The following RGPD3 variants were observed in gnomAD, a reference collection of about 807,000 sequenced individuals.
The protein encoded by RGPD3 is RANBP2 like and GRIP domain containing 3, also known as ranBP2-like and GRIP domain-containing protein 3.
Under a neutral mutation model 154.5 loss-of-function variants are expected in RGPD3, and 62 were observed. The ratio of observed to expected loss-of-function variants is 0.40; its 90% CI spans 0.33 to 0.50. The LOEUF is 0.50. Among genes scored for constraint, RGPD3 ranks in the 20% least tolerant of loss-of-function variants. RGPD3 has a pLI of 0.59. For synonymous variants in RGPD3, 308 were observed against 607.0 expected (o/e 0.51, Z 7.24); for missense variants, 919 against 1,716.8 (o/e 0.54, Z 8.21).
chr2:106,425,406 C>T (rs994562753), intron 19 of RGPD3, 140 bp from the exon 20 acceptor site: 55 of 1,222,704 alleles, frequency 4.5e-5, no homozygotes, highest in South Asian at 1.4e-4. Context: ...ATTTATTGAG[C>T]ATTTATTAAT....
chr2:106,466,082 C>T (rs909376624), intron 1 of RGPD3, among the ~76,000 whole-genome samples: 1 of 151,736 alleles, frequency 6.6e-6, no homozygotes, highest in Non-Finnish European at 1.5e-5. Flanking sequence ...GTGCCCAAGC[C>T]CCCGAGAACT....
intron 22 of RGPD3, among the ~76,000 whole-genome samples, chr2:106,410,637 C>G (rs1573237856): frequency 2.0e-5 from 3 of 152,110 alleles, no homozygotes; most frequent in Admixed American, 2.0e-4. Context: ...TCTTAAAGTC[C>G]TGGTTAATTT....
intron 1 of RGPD3, among the ~76,000 whole-genome samples, chr2:106,467,338 G>C (rs1350250711): frequency 6.0e-5 from 7 of 116,416 alleles, no homozygotes; most frequent in Non-Finnish European, 1.1e-4. Flanking sequence ...CATCGAGGCC[G>C]CCGCAGGGCC....
chr2:106,408,676 C>T (rs1288153898), intron 22 of RGPD3, among the ~76,000 whole-genome samples: 1 of 150,482 alleles, frequency 6.6e-6, no homozygotes, highest in Non-Finnish European at 1.5e-5. Context: ...ATTTTTATTT[C>T]TTAATTTTTT....
intron 21 of RGPD3, among the ~76,000 whole-genome samples, chr2:106,413,696 C>G (rs527397592): frequency 6.6e-6 from 1 of 152,110 alleles, no homozygotes; most frequent in African/African-American, 2.4e-5. Flanking sequence ...GAAATTCTCA[C>G]GAGAAACAGA....
intron 22 of RGPD3, 78 bp from the exon 23 acceptor site, chr2:106,405,307 C>T: frequency 7.9e-7 from 1 of 1,269,910 alleles, no homozygotes; most frequent in East Asian, 2.5e-5. Context: ...TTTAGAACCA[C>T]TCTACAATAT....
chr2:106,462,666 A>G (rs956534900), intron 1 of RGPD3, among the ~76,000 whole-genome samples: 5 of 152,130 alleles, frequency 3.3e-5, no homozygotes, highest in African/African-American at 1.2e-4. Context: ...CTACTTTTTC[A>G]TTATGCAGTT....
intron 6 of RGPD3, among the ~76,000 whole-genome samples, chr2:106,450,840 G>A (rs1421807071): frequency 8.9e-6 from 1 of 111,794 alleles, no homozygotes; most frequent in African/African-American, 3.4e-5. Context: ...AGCTGAGACT[G>A]CACCACTGCA....
Position 106,415,829 on chromosome 2 carries a change from G to A in RGPD3, c.5064+21C>T, listed in dbSNP as rs1471439610. On this transcript the variant is annotated intron_variant, in intron 21 of 22. Coordinates refer to ENST00000409886, the MANE Select transcript of RGPD3 (RefSeq NM_001144013.2). ...AAACCAAACTGGCAGTTTTTATGGTGGCCAGGTTTTCTGATCTCACCTTAA... is the reference window on the plus strand; with the variant it reads ...AAACCAAACTGGCAGTTTTTATGGTAGCCAGGTTTTCTGATCTCACCTTAA... 14 of 1,611,588 alleles carry A rather than the reference G, an allele frequency of 8.7e-6. No homozygotes were observed. In the East Asian group the frequency reaches 2.9e-4, roughly 33 times the overall value.
chr2:106,410,324 T>C (rs1676632762), intron 22 of RGPD3, among the ~76,000 whole-genome samples: 1 of 152,190 alleles, frequency 6.6e-6, no homozygotes, highest in South Asian at 2.1e-4. Flanking sequence ...CTAATTTAAA[T>C]GTGTTTTCCT....
intron 22 of RGPD3, among the ~76,000 whole-genome samples, chr2:106,412,293 G>GTTTTTTT (rs772813472): frequency 4.4e-5 from 2 of 45,028 alleles, no homozygotes; most frequent in Non-Finnish European, 7.9e-5. Flanking sequence ...CTACATCATA[G>GTTTTTTT]TTTTTTTTTT....
rs548175687 is a variant in RGPD3 at position 106,459,282 on chromosome 2, T to C, written c.123A>G (p.Glu41=). The C allele has an allele frequency of 7.1e-7, 1 of 1,415,078 alleles. No individual in the cohort carries two copies. The highest frequency in any genetic ancestry group is 2.4e-5 in the Admixed American group (1 of 41,250). 87.7% of individuals were successfully genotyped at this position (1,415,078 alleles called of 1,614,324 possible). ...YFAKLYYEAK[E]YDLAKKYICT... ...GTACTTACTTTTTAGCAAGATCATA[T>C]TCTTTAGCTTCATAATACAGCTTTG... Residue 41 remains glutamate, a synonymous_variant, in exon 2 of 23, where the codon GAA becomes GAG. Coordinates refer to ENST00000409886, the MANE Select transcript of RGPD3 (RefSeq NM_001144013.2).
rs1201427830 is a variant in RGPD3, at chr2:106,447,483, C to T, written c.913G>A (p.Gly305Ser). The T allele has an allele frequency of 1.8e-5, 4 of 219,466 alleles. No homozygotes were observed. Among genetic ancestry groups the T allele is most frequent in the Non-Finnish European group, 2.3e-5 (3 of 131,698 alleles). The allele number at this position is 219,466 out of a possible 1,614,324, so 13.6% of individuals were successfully genotyped here. The change falls in exon 7 of 23, where the codon GGT (glycine) becomes AGT (serine). Residue 305 changes from glycine to serine, a missense_variant. Gly to Ser is a moderately conservative substitution (Grantham distance 56). Transcript: ENST00000409886. ...GSLLLKMGQH[G>S]NNVQWRALSE... is the part of the protein sequence containing the mutation. ...AGAGCTCGCCATTGAACATTATTAC[C>T]ATGCTGACCCATCTTCAAGAGCAGA...
At position 106,423,929 on chromosome 2, in the gene RGPD3, T is replaced by A. The variant is rs753612088; in HGVS notation, c.4038A>T (p.Glu1346Asp). ...GTTCATTTTCCTCACCACTGGATAC[T>A]TCAACTAGATCAGGTAAAGGAACAA... ...EPVVPLPDLV[E>D]VSSGEENEQV... The change falls in exon 20 of 23, where the codon GAA (glutamate) becomes GAT (aspartate). Residue 1346 changes from glutamate (E) to aspartate (D), a missense_variant. Coordinates refer to ENST00000409886, the MANE Select transcript of RGPD3 (RefSeq NM_001144013.2). 1 of 1,611,874 alleles carries A rather than the reference T, an allele frequency of 6.2e-7. No individual in the cohort carries two copies. Among genetic ancestry groups the A allele is most frequent in the South Asian group, 1.1e-5 (1 of 90,976 alleles).
At chr2:106,466,557 G>C (rs1159276344) in intron 1 of RGPD3, among the ~76,000 whole-genome samples, 2 of 121,500 alleles carry the variant, frequency 1.6e-5, no homozygotes, top group African/African-American at 6.4e-5. Context: ...GGGCCAGGTC[G>C]AGGCCGGCGC....
intron 17 of RGPD3, among the ~76,000 whole-genome samples, chr2:106,430,393 G>T (rs1450758297): frequency 1.4e-5 from 1 of 69,788 alleles, no homozygotes; most frequent in African/African-American, 4.5e-5. Flanking sequence ...TTAACCTGAC[G>T]TTCACCTCCA....
intron 1 of RGPD3, among the ~76,000 whole-genome samples, chr2:106,465,527 C>T (rs1678544974): frequency 1.3e-5 from 2 of 149,334 alleles, no homozygotes; most frequent in African/African-American, 4.9e-5. Flanking sequence ...AGCCAAGGTC[C>T]CCACTAAGAA....
intron 1 of RGPD3, among the ~76,000 whole-genome samples, chr2:106,466,372 G>A (rs1246481482): frequency 2.9e-4 from 39 of 135,062 alleles, no homozygotes; most frequent in African/African-American, 7.9e-4. Flanking sequence ...CCGCCGGGCC[G>A]GGTCCAGGCC....
chr2:106,467,990 G>C (rs1203923442), intron 1 of RGPD3, among the ~76,000 whole-genome samples: 9 of 141,584 alleles, frequency 6.4e-5, no homozygotes, highest in African/African-American at 1.9e-4. Flanking sequence ...GGTCGAGGCC[G>C]GCGCCTCAAC....
Sources: gnomAD v4.1 joint callset for allele counts (sites outside exome capture counted in the v4.1 genomes callset) on GRCh38, gnomAD v4.1.1 for gene constraint, MANE v1.5 for transcripts, NCBI Gene and HGNC (gene_info 2026-07-23, HGNC 2026-07-21) for gene names.